Variants in MAD1L1 observed in about 807,000 individuals in gnomAD.
MAD1L1 encodes mitotic arrest deficient 1 like 1.
A neutral mutation model predicts 96.9 loss-of-function variants in MAD1L1; 95 were observed. The ratio of observed to expected loss-of-function variants is 0.98; its 90% confidence interval spans 0.83 to 1.16. MAD1L1 has a LOEUF of 1.16. Among genes scored for constraint, MAD1L1 ranks in the 50% most tolerant of loss-of-function variants. The pLI is 0.00. For missense variants in MAD1L1, 1,007 were observed against 954.4 expected (o/e 1.06, Z -0.73); for synonymous variants, 473 against 396.6 (o/e 1.19, Z -2.29).
chr7:2,086,339 C>T lies in MAD1L1; in HGVS notation c.1074-17001G>A, dbSNP rs925557276. ...AGGCACGCCCTCGCTCACACCACAG[C>T]CACAAAACCTGCCAAGTCCTTATGG... On this transcript the variant is annotated intron_variant, in intron 11 of 18. Coordinates refer to ENST00000265854, the MANE Select transcript of MAD1L1 (RefSeq NM_001013836.2). Among the ~76,000 whole-genome samples, 7 of 152,254 alleles carry T rather than the reference C, an allele frequency of 4.6e-5. No homozygotes were observed. The East Asian group carries it at 9.6e-4, about 21-fold the overall frequency.
At chr7:1,970,597 G>A (rs937248844) in intron 15 of MAD1L1, among the ~76,000 whole-genome samples, 1 of 152,112 alleles carries the variant, frequency 6.6e-6, no homozygotes, top group African/African-American at 2.4e-5. Flanking sequence ...GTCTTTCAAA[G>A]TGCTGAGATA....
At chr7:2,221,874 C>G (rs527508627) in intron 5 of MAD1L1, among the ~76,000 whole-genome samples, 17 of 152,306 alleles carry the variant, frequency 1.1e-4, no homozygotes, top group African/African-American at 4.1e-4. Context: ...AGCACAACGG[C>G]TGCAGAGACC....
chr7:1,997,642 C>T (rs1781616215), intron 14 of MAD1L1, among the ~76,000 whole-genome samples: 1 of 152,274 alleles, frequency 6.6e-6, no homozygotes, highest in Admixed American at 6.5e-5. Context: ...GAAGCCATGA[C>T]ACTGAGGGCT....
intron 11 of MAD1L1, among the ~76,000 whole-genome samples, chr7:2,134,655 A>G (rs1429467655): frequency 2.0e-5 from 3 of 152,240 alleles, no homozygotes; most frequent in Non-Finnish European, 4.4e-5. Context: ...AAATCTGCCC[A>G]TTTAAACAGG....
intron 12 of MAD1L1, among the ~76,000 whole-genome samples, chr7:2,058,048 G>A (rs1271872574): frequency 8.9e-6 from 1 of 112,038 alleles, no homozygotes; most frequent in African/African-American, 4.1e-5. Context: ...AGAGGCGCGG[G>A]GCTGGAGAGG....
intron 18 of MAD1L1, among the ~76,000 whole-genome samples, chr7:1,888,444 ATG>A (rs10593377): frequency 0.1 from 12,861 of 129,212 alleles, 1,801 homozygotes; most frequent in African/African-American, 0.35. Context: ...CTGCCTGTAC[ATG>A]TGTGTGCACG....
At chr7:2,073,014 T>C (rs555283090) in intron 11 of MAD1L1, among the ~76,000 whole-genome samples, 2 of 152,264 alleles carry the variant, frequency 1.3e-5, no homozygotes, top group African/African-American at 4.8e-5. Flanking sequence ...CTCAGTGCAA[T>C]AGAGCCAGGG....
chr7:2,057,487 C>G (rs1250818303), intron 12 of MAD1L1, among the ~76,000 whole-genome samples: 1 of 152,188 alleles, frequency 6.6e-6, no homozygotes, highest in African/African-American at 2.4e-5. Flanking sequence ...GCACTCCAGC[C>G]TGGACATCAG....
At chr7:1,874,422 A>C (rs1785269667) in intron 18 of MAD1L1, 1 of 425,460 alleles carries the variant, frequency 2.4e-6, no homozygotes, top group African/African-American at 2.1e-5. Flanking sequence ...AGGCCGTGAC[A>C]TCGAGGGTAG....
chr7:1,884,182 G>A (rs923077452), intron 18 of MAD1L1, among the ~76,000 whole-genome samples: 2 of 152,256 alleles, frequency 1.3e-5, no homozygotes, highest in African/African-American at 4.8e-5. Flanking sequence ...ACGCAGCCGA[G>A]GCATGCACGG....
At position 1,957,613 on chromosome 7, in the gene MAD1L1, G is replaced by A. The variant is rs767098135; in HGVS notation, c.1596+16C>T. On this transcript the variant is annotated intron_variant, in intron 16 of 18. Coordinates refer to ENST00000265854, the MANE Select transcript of MAD1L1 (RefSeq NM_001013836.2). ...GGCCCAGGCAGTGCCTCACCCAGAG[G>A]CTGCCCCGCCCTCACCTGCAGAGCT... is the stretch of plus-strand genomic sequence containing the variant. The A allele has an allele frequency of 7.4e-6, 12 of 1,612,668 alleles. No homozygotes were observed. Among genetic ancestry groups the A allele is most frequent in the Non-Finnish European group, 1.0e-5 (12 of 1,179,538 alleles).
intron 11 of MAD1L1, among the ~76,000 whole-genome samples, chr7:2,128,705 G>A (rs1269312973): frequency 6.6e-6 from 1 of 152,184 alleles, no homozygotes; most frequent in African/African-American, 2.4e-5. Flanking sequence ...CGGGGACACA[G>A]AGGGGCTGAA....
chr7:2,184,277 A>C (rs957534024), intron 10 of MAD1L1, among the ~76,000 whole-genome samples: 1 of 152,170 alleles, frequency 6.6e-6, no homozygotes, highest in African/African-American at 2.4e-5. Flanking sequence ...AATAAAAAAA[A>C]AAGAAAGGGC....
At chr7:2,231,090 G>A (rs551923320) in intron 1 of MAD1L1, among the ~76,000 whole-genome samples, 7 of 152,234 alleles carry the variant, frequency 4.6e-5, no homozygotes, top group African/African-American at 1.2e-4. Flanking sequence ...AGGCAGGTCC[G>A]GAGTTCAAGA....
chr7:2,231,734 CATTA>C (rs1794201149), intron 1 of MAD1L1, among the ~76,000 whole-genome samples: 1 of 152,112 alleles, frequency 6.6e-6, no homozygotes, highest in Admixed American at 6.5e-5. Context: ...TTTCTAGTGA[CATTA>C]ATAAGTACTA....
At chr7:2,166,217 G>A (rs1012502691) in intron 10 of MAD1L1, among the ~76,000 whole-genome samples, 7 of 152,164 alleles carry the variant, frequency 4.6e-5, no homozygotes, top group African/African-American at 1.7e-4. Flanking sequence ...CCAGAAACTG[G>A]CCCCCATCTC....
chr7:2,112,026 T>G (rs1005934403), intron 11 of MAD1L1, among the ~76,000 whole-genome samples: 41 of 152,106 alleles, frequency 2.7e-4, no homozygotes, highest in African/African-American at 9.4e-4. Context: ...AGTGAACGAA[T>G]AAACAAGTCC....
intron 10 of MAD1L1, among the ~76,000 whole-genome samples, chr7:2,209,495 C>G (rs76922925): frequency 0.034 from 5,240 of 152,304 alleles, 126 homozygotes; most frequent in Non-Finnish European, 0.052. Context: ...GAAGCGCCCC[C>G]CTGAAGGCAG....
intron 12 of MAD1L1, among the ~76,000 whole-genome samples, chr7:2,053,997 G>A (rs530448452): frequency 6.6e-6 from 1 of 152,372 alleles, no homozygotes; most frequent in Non-Finnish European, 1.5e-5. Context: ...TCTGCAGAGG[G>A]AGGCAGGGCG....
Sources: gnomAD v4.1 joint callset for allele counts (sites outside exome capture counted in the v4.1 genomes callset) on GRCh38, gnomAD v4.1.1 for gene constraint, MANE v1.5 for transcripts, NCBI Gene and HGNC (gene_info 2026-07-23, HGNC 2026-07-21) for gene names.